Variants in DDX25 observed in about 807,000 individuals in gnomAD.
DDX25 encodes the protein ATP-dependent RNA helicase DDX25.
DDX25 carries 70 observed loss-of-function variants against 64.6 expected under a neutral mutation model. The ratio of observed to expected loss-of-function variants is 1.08; its 90% CI spans 0.89 to 1.32. DDX25 has a LOEUF of 1.32. Ranked by LOEUF, DDX25 falls within the 40% of genes most tolerant of loss-of-function variation. DDX25 has a pLI of 0.00. For synonymous variants in DDX25, 211 were observed against 213.3 expected (o/e 0.99, Z 0.09); for missense variants, 587 against 604.4 (o/e 0.97, Z 0.30).
rs2134271497 is a variant in DDX25, at chr11:125,905,295, C to T, written c.130+17C>T. On this transcript the variant is annotated intron_variant, in intron 2 of 11. Transcript: ENST00000263576. ...GAAACATAGGTGAGTGCTGTTAGGGCAAAGCAGAGCGACCTCAATGATTAA... is the reference window on the plus strand; with the variant it reads ...GAAACATAGGTGAGTGCTGTTAGGGTAAAGCAGAGCGACCTCAATGATTAA... 1 of 1,551,176 alleles carries T rather than the reference C, an allele frequency of 6.4e-7. No individual in the cohort carries two copies. The highest frequency in any genetic ancestry group is 2.0e-5 in the Admixed American group (1 of 50,984).
chr11:125,908,319 G>T, intron 5 of DDX25, 31 bp downstream of exon 5: 1 of 1,612,874 alleles, frequency 6.2e-7, no homozygotes. Flanking sequence ...TATTCTACTT[G>T]GTTATGTTTA....
chr11:125,910,078 C>A (rs1034388349), intron 6 of DDX25, among the ~76,000 whole-genome samples: 2 of 151,776 alleles, frequency 1.3e-5, no homozygotes, highest in African/African-American at 2.4e-5. Context: ...ATGCCTCCCC[C>A]ACTCCAAAAA....
In DDX25 at chr11:125,923,129, C is replaced by G; in HGVS notation, c.*248C>G. The G allele has an allele frequency of 2.2e-6, 1 of 458,630 alleles. No homozygotes were observed. Among genetic ancestry groups the G allele is most frequent in the East Asian group, 3.7e-5 (1 of 27,328 alleles). 28.4% of individuals were successfully genotyped at this position (458,630 alleles called of 1,614,324 possible). A position where few individuals can be genotyped will look rare whatever the true frequency, so the allele number is the denominator to read the frequency against. ...ATTCTAATCTTTGTACAGGTAATGT[C>G]TCAATGTGGGCTATGGGGGTGTTTT... is the stretch of plus-strand genomic sequence containing the variant. On this transcript the variant is annotated 3_prime_UTR_variant, in exon 12 of 12. Transcript: ENST00000263576.
chr11:125,911,276 A>C (rs1409394256), intron 7 of DDX25, 35 bp from the exon 8 acceptor site: 1 of 1,572,734 alleles, frequency 6.4e-7, no homozygotes, highest in East Asian at 2.3e-5. Context: ...AGTTGTTTGC[A>C]TCTGAAGGAG....
intron 1 of DDX25, 128 bp from the exon 2 acceptor site, chr11:125,905,084 T>A (rs1944864392): frequency 1.3e-6 from 1 of 787,486 alleles, no homozygotes; most frequent in Non-Finnish European, 2.1e-6. Context: ...TGCTGCTACC[T>A]AATATTGCAA....
At chr11:125,907,417 G>T (rs533679859) in intron 4 of DDX25, among the ~76,000 whole-genome samples, 7 of 152,112 alleles carry the variant, frequency 4.6e-5, no homozygotes, top group Non-Finnish European at 8.8e-5. Flanking sequence ...GACCATCCTG[G>T]CTAACACAGT....
intron 4 of DDX25, among the ~76,000 whole-genome samples, chr11:125,906,902 A>G (rs1023426938): frequency 6.6e-6 from 1 of 151,016 alleles, no homozygotes; most frequent in African/African-American, 2.4e-5. Context: ...AACATTTTTG[A>G]TAGTAAGATA....
chr11:125,905,498 C>T (rs1414326355), intron 2 of DDX25, 55 bp from the exon 3 acceptor site: 2 of 1,520,734 alleles, frequency 1.3e-6, no homozygotes, highest in African/African-American at 2.8e-5. Flanking sequence ...GCATGCTTTA[C>T]ATTTGTGCTC....
chr11:125,911,226 T>G, intron 7 of DDX25, 85 bp from the exon 8 acceptor site: 8 of 1,207,730 alleles, frequency 6.6e-6, no homozygotes, highest in Non-Finnish European at 8.6e-6. Context: ...TTTTTGCTTA[T>G]GAGCTTTATA....
chr11:125,905,872 G>T (rs1357518548), intron 3 of DDX25, among the ~76,000 whole-genome samples: 1 of 152,164 alleles, frequency 6.6e-6, no homozygotes, highest in Non-Finnish European at 1.5e-5. Context: ...GTTAGAGGAT[G>T]GTGAAGTAAC....
At chr11:125,904,467 TCG>T, upstream of DDX25, 1 of 1,442,786 alleles carries the variant, frequency 6.9e-7, no homozygotes. Context: ...CAGCACCGCC[TCG>T]CGCCGGTGGT....
At chr11:125,922,773 T>A (rs1265093841) in intron 11 of DDX25, 47 bp from the exon 12 acceptor site, 17 of 1,528,420 alleles carry the variant, frequency 1.1e-5, no homozygotes, top group Non-Finnish European at 1.5e-5. Flanking sequence ...TGAAGTTCCA[T>A]TTAGACCCTG....
At position 125,917,269 on chromosome 11, in the gene DDX25, G is replaced by T. The variant is rs1003612496; in HGVS notation, c.1038+18G>T. ...TCTGCCAGGTACACTCTGTGGATGTGTCTTCATCGAGCCCAGATATGCCTA... is the reference window on the plus strand; with the variant it reads ...TCTGCCAGGTACACTCTGTGGATGTTTCTTCATCGAGCCCAGATATGCCTA... On this transcript the variant is annotated intron_variant, in intron 9 of 11. Coordinates refer to ENST00000263576, the MANE Select transcript of DDX25 (RefSeq NM_013264.5). The T allele has an allele frequency of 1.3e-6, 2 of 1,578,732 alleles. No individual in the cohort carries two copies. Among genetic ancestry groups the T allele is most frequent in the Non-Finnish European group, 1.7e-6 (2 of 1,162,220 alleles).
At chr11:125,919,298 G>A (rs1297490412) in intron 10 of DDX25, among the ~76,000 whole-genome samples, 1 of 152,154 alleles carries the variant, frequency 6.6e-6, no homozygotes, top group African/African-American at 2.4e-5. Context: ...TTTCTCTTGG[G>A]TAAATATCTA....
rs1342665840 is a variant in DDX25 at position 125,921,315 on chromosome 11, C to T, written c.1326C>T (p.Gly442=). Residue 442 remains glycine, a synonymous_variant, in exon 11 of 12, where the codon GGC becomes GGT. Transcript: ENST00000263576. The surrounding 1 kb of genome is among the most constrained non-coding windows in gnomAD (Gnocchi z 4.1). The stretch of plus-strand genomic sequence containing the variant: ...GGACGGGGCGCTTTGGGAAAAAAGG[C>T]CTTGCCTTCAACATGATTGAAGTAG... ...IGRTGRFGKK[G]LAFNMIEVDE... The T allele has an allele frequency of 1.2e-6, 2 of 1,613,688 alleles. No homozygotes were observed. The highest frequency in any genetic ancestry group is 1.7e-6 in the Non-Finnish European group (2 of 1,179,850).
upstream of DDX25, chr11:125,904,446 G>T: frequency 7.5e-7 from 1 of 1,324,534 alleles, no homozygotes. Context: ...CCATTGGCCA[G>T]CGGATGGGGC....
At chr11:125,909,016 A>G (rs2134275747) in intron 6 of DDX25, among the ~76,000 whole-genome samples, 1 of 152,332 alleles carries the variant, frequency 6.6e-6, no homozygotes, top group Middle Eastern at 3.4e-3. Context: ...ACTCTAGCAG[A>G]GGAGGAGGCT....
At chr11:125,907,192 G>C (rs1944899725) in intron 4 of DDX25, among the ~76,000 whole-genome samples, 1 of 152,146 alleles carries the variant, frequency 6.6e-6, no homozygotes, top group African/African-American at 2.4e-5. Flanking sequence ...TTATGTAAAG[G>C]GTAAAAATCC....
In DDX25 at chr11:125,904,546, C is replaced by A; in HGVS notation, c.29C>A (p.Ala10Glu). The A allele has an allele frequency of 6.7e-7, 1 of 1,498,576 alleles. No homozygotes were observed. The highest frequency in any genetic ancestry group is 8.9e-7 in the Non-Finnish European group (1 of 1,124,216). 92.8% of individuals were successfully genotyped at this position (1,498,576 alleles called of 1,614,324 possible). A position where few individuals can be genotyped will look rare whatever the true frequency, so the allele number is the denominator to read the frequency against. Residue 10 changes from alanine (A) to glutamate (E), a missense_variant, in exon 1 of 12, where the codon GCA becomes GAA. Ala to Glu is a moderately radical substitution (Grantham distance 107). Transcript: ENST00000263576. ...GCGTCGTTACTGTGGGGAGGCGACG[C>A]AGGGGCGGCGGAGAGCGAGCGGCTG... MASLLWGGD[A>E]GAAESERLNS...
Sources: gnomAD v4.1 joint callset for allele counts (sites outside exome capture counted in the v4.1 genomes callset) on GRCh38, gnomAD v4.1.1 for gene constraint, Gnocchi (gnomAD v3.1) non-coding constraint, MANE v1.5 for transcripts, NCBI Gene and HGNC (gene_info 2026-07-23, HGNC 2026-07-21) for gene names.